FANCC: variants seen among roughly 807,000 people sequenced by gnomAD.
The protein encoded by FANCC is Fanconi anemia group C protein.
FANCC carries 55 observed loss-of-function variants against 71.3 expected under a neutral mutation model. The observed-to-expected ratio is 0.77, with a 90% confidence interval of 0.62 to 0.97. The LOEUF (loss-of-function observed/expected upper bound fraction) is 0.97, where lower values mean the gene tolerates loss of function less well. Among genes scored for constraint, FANCC ranks in the 50% least tolerant of loss-of-function variants. FANCC has a pLI of 0.00. For synonymous variants in FANCC, 275 were observed against 244.9 expected (o/e 1.12, Z -1.15); for missense variants, 678 against 670.9 (o/e 1.01, Z -0.12).
chr9:95,271,927 C>CTTCTTTTTTTTTTTTTT (rs1832750730), intron 1 of FANCC, among the ~76,000 whole-genome samples: 1 of 50,480 alleles, frequency 2.0e-5, no homozygotes, highest in East Asian at 6.6e-4. Context: ...CAAGCCTCTT[C>CTTCTTTTTTTTTTTTTT]TTTTTTTTTT....
chr9:95,243,050 G>A (rs1052143205), intron 3 of FANCC, among the ~76,000 whole-genome samples: 1 of 152,124 alleles, frequency 6.6e-6, no homozygotes, highest in Non-Finnish European at 1.5e-5. Flanking sequence ...TTTGATATCT[G>A]GAATTGAAAT....
At chr9:95,110,875 C>A in intron 13 of FANCC, 1 of 1,217,112 alleles carries the variant, frequency 8.2e-7, no homozygotes, top group South Asian at 2.6e-5. Context: ...TTGCCACAGA[C>A]AGTTATCCAG....
At chr9:95,201,625 A>T (rs1020732332) in intron 4 of FANCC, among the ~76,000 whole-genome samples, 1 of 152,242 alleles carries the variant, frequency 6.6e-6, no homozygotes, top group African/African-American at 2.4e-5. Flanking sequence ...ATGAAGGAAA[A>T]AAAGACAGTC....
At chr9:95,281,003 C>T (rs961268248) in intron 1 of FANCC, among the ~76,000 whole-genome samples, 1 of 151,626 alleles carries the variant, frequency 6.6e-6, no homozygotes, top group African/African-American at 2.4e-5. Flanking sequence ...AAATACGTAA[C>T]TAAAGGTGAA....
At chr9:95,165,415 T>A (rs1831010449) in intron 6 of FANCC, among the ~76,000 whole-genome samples, 1 of 152,000 alleles carries the variant, frequency 6.6e-6, no homozygotes, top group South Asian at 2.1e-4. Context: ...TTTTTTAATG[T>A]AGGCATTTAC....
At chr9:95,228,318 G>T (rs1212684661) in intron 4 of FANCC, among the ~76,000 whole-genome samples, 1 of 152,130 alleles carries the variant, frequency 6.6e-6, no homozygotes, top group Non-Finnish European at 1.5e-5. Flanking sequence ...CCTCCAAAAT[G>T]CGTCCCAAAC....
At chr9:95,110,887 C>G in intron 13 of FANCC, 1 of 1,255,924 alleles carries the variant, frequency 8.0e-7, no homozygotes, top group Non-Finnish European at 1.0e-6. Context: ...GTTATCCAGT[C>G]CCATACTTAG....
At chr9:95,207,289 T>C (rs1828191250) in intron 4 of FANCC, among the ~76,000 whole-genome samples, 1 of 152,108 alleles carries the variant, frequency 6.6e-6, no homozygotes, top group African/African-American at 2.4e-5. Context: ...GCTATAAGAA[T>C]TTTTTAAAAG....
intron 1 of FANCC, among the ~76,000 whole-genome samples, chr9:95,310,242 C>G (rs1291122873): frequency 6.6e-6 from 1 of 152,062 alleles, no homozygotes; most frequent in East Asian, 1.9e-4. Context: ...TGGTGCATAC[C>G]TGTAGTCCTA....
intron 1 of FANCC, among the ~76,000 whole-genome samples, chr9:95,255,408 G>A (rs1170253162): frequency 1.3e-5 from 2 of 152,156 alleles, no homozygotes; most frequent in Non-Finnish European, 2.9e-5. Context: ...GTGATACCCA[G>A]GCAAACAGCG....
chr9:95,193,995 T>C (rs1198143116), intron 4 of FANCC, among the ~76,000 whole-genome samples: 2 of 152,096 alleles, frequency 1.3e-5, no homozygotes, highest in East Asian at 1.9e-4. Context: ...CCCTGTTACT[T>C]CCAAGGCTGC....
chr9:95,177,807 G>A (rs1182169291), intron 4 of FANCC, among the ~76,000 whole-genome samples: 2 of 152,178 alleles, frequency 1.3e-5, no homozygotes, highest in African/African-American at 2.4e-5. Context: ...AAGCATGCAT[G>A]TGGCCAGGAC....
chr9:95,283,553 C>T (rs917469087), intron 1 of FANCC, among the ~76,000 whole-genome samples: 4 of 152,324 alleles, frequency 2.6e-5, no homozygotes, highest in South Asian at 4.1e-4. Flanking sequence ...TTGTTTCAAA[C>T]ACTTTCTTTC....
At chr9:95,172,365 G>C (rs1446775917) in intron 4 of FANCC, among the ~76,000 whole-genome samples, 1 of 152,152 alleles carries the variant, frequency 6.6e-6, no homozygotes, top group Non-Finnish European at 1.5e-5. Context: ...ACAAACATTA[G>C]CAGTGAAACA....
intron 1 of FANCC, among the ~76,000 whole-genome samples, chr9:95,278,487 T>C (rs892322663): frequency 3.9e-5 from 6 of 152,180 alleles, no homozygotes; most frequent in Admixed American, 6.5e-5. Flanking sequence ...CAGACATCTA[T>C]AGAACTCTCC....
intron 3 of FANCC, among the ~76,000 whole-genome samples, chr9:95,243,667 G>A (rs921272832): frequency 3.3e-5 from 5 of 151,892 alleles, no homozygotes; most frequent in East Asian, 1.9e-4. Flanking sequence ...GGTAGCGGGC[G>A]CCTGTAGTCC....
At chr9:95,216,310 T>C (rs4647455) in intron 4 of FANCC, among the ~76,000 whole-genome samples, 3,320 of 152,290 alleles carry the variant, frequency 0.022, 122 homozygotes, top group African/African-American at 0.076. Context: ...CTAAATGTGT[T>C]TATACACAGT....
intron 1 of FANCC, among the ~76,000 whole-genome samples, chr9:95,310,289 C>T (rs1835309805): frequency 1.3e-5 from 2 of 151,892 alleles, no homozygotes; most frequent in Admixed American, 1.3e-4. Flanking sequence ...ATTCCTGGAG[C>T]CCAGGAGTTT....
intron 6 of FANCC, among the ~76,000 whole-genome samples, chr9:95,161,014 G>A (rs1830717318): frequency 6.6e-6 from 1 of 152,098 alleles, no homozygotes; most frequent in South Asian, 2.1e-4. Context: ...GTAAAATGGG[G>A]GCTTTTGGTG....
Sources: allele counts gnomAD v4.1 joint callset (sites outside exome capture counted in the v4.1 genomes callset), GRCh38; gene constraint gnomAD v4.1.1; transcripts MANE v1.5; gene names NCBI Gene and HGNC (gene_info 2026-07-23, HGNC 2026-07-21).